AFF4: variants seen among roughly 807,000 people sequenced by gnomAD.
AFF4 encodes the protein ALF transcription elongation factor 4, also known as AF4/FMR2 family member 4.
A neutral mutation model predicts 124.8 loss-of-function variants in AFF4; 13 were observed. That is an observed-to-expected ratio of 0.10 (90% confidence interval 0.07 to 0.17). The LOEUF (loss-of-function observed/expected upper bound fraction) is 0.17, where lower values mean the gene tolerates loss of function less well. AFF4 is among the 10% of genes least tolerant of loss of function. The probability of loss-of-function intolerance (pLI) is 1.00; values close to 1 mark genes in which losing one functional copy is unlikely to be tolerated. For synonymous variants in AFF4, 477 were observed against 496.1 expected (o/e 0.96, Z 0.51); for missense variants, 1,092 against 1,403.8 (o/e 0.78, Z 3.55).
chr5:132,915,338 C>G, intron 5 of AFF4, among the ~76,000 whole-genome samples: 1 of 148,138 alleles, frequency 6.8e-6, no homozygotes, highest in Non-Finnish European at 1.5e-5. Context: ...AAGACTGTCT[C>G]AAAAGAAAAA....
chr5:132,902,526 CTATT>C, intron 6 of AFF4, 39 bp from the exon 7 acceptor site: 2 of 1,400,710 alleles, frequency 1.4e-6, no homozygotes, highest in Non-Finnish European at 2.0e-6. Context: ...TAAAGGATGG[CTATT>C]TAGACTGTAA....
At chr5:132,927,382 T>G (rs368341084) in intron 4 of AFF4, 175 bp from the exon 5 acceptor site, 4 of 513,268 alleles carry the variant, frequency 7.8e-6, no homozygotes, top group Admixed American at 4.2e-5. Flanking sequence ...GTGTAGGTAA[T>G]AAGAAGATTA....
At chr5:132,960,408 C>T (rs1762057110) in intron 1 of AFF4, among the ~76,000 whole-genome samples, 1 of 152,152 alleles carries the variant, frequency 6.6e-6, no homozygotes, top group African/African-American at 2.4e-5. Context: ...CTTAAGAATA[C>T]CTCTTTGATT....
Position 132,896,748 on chromosome 5 carries a change from T to G in AFF4, c.1882A>C (p.Lys628Gln). ...KSSPRPTAEK[K>Q]KYKSTSKSSQ... ...GATTTACTTGTTGACTTATATTTCT[T>G]TTTCTCTGCTGTAGGTCGAGGGGAA... The change falls in exon 11 of 21, where the codon AAG becomes CAG. Residue 628 changes from lysine (K) to glutamine (Q), a missense_variant. By Grantham distance (53) the Lys-to-Gln change is moderately conservative (BLOSUM62 1). Coordinates refer to ENST00000265343, the MANE Select transcript of AFF4 (RefSeq NM_014423.4). The G allele has an allele frequency of 2.5e-6, 4 of 1,614,174 alleles. No homozygotes were observed. The highest frequency in any genetic ancestry group is 2.2e-5 in the East Asian group (1 of 44,892).
In AFF4 at chr5:132,921,117, ACT is replaced by A. The variant is rs1303121020; in HGVS notation, c.1050+6002_1050+6003del. ...ACTCTAGCCTGAGCGACAGAGCGAG[ACT>A]CTGTCACAAAAAAAAAAAAAAAAGA... On this transcript the variant is annotated intron_variant, in intron 5 of 20. Coordinates refer to ENST00000265343, the MANE Select transcript of AFF4 (RefSeq NM_014423.4). 7.0e-5 allele frequency among the ~76,000 whole-genome samples: 10 copies of A among 141,858 alleles called. No homozygotes were observed. The South Asian group carries it at 1.2e-3, about 17-fold the overall frequency. The allele number at this position is 141,858 out of a possible 152,430, so 93.1% of individuals were successfully genotyped here.
chr5:132,897,261 TATGCTTTTTTCGATACTGA>T, intron 10 of AFF4, 21 bp from the exon 11 acceptor site: 1 of 1,600,630 alleles, frequency 6.2e-7, no homozygotes, highest in Non-Finnish European at 8.5e-7. Flanking sequence ...GAGAAATATG[TATGCTTTTTTCGATACTGA>T]ATGCTTTTTT....
At chr5:132,886,480 G>A (rs2150065684) in intron 17 of AFF4, 77 bp from the exon 18 acceptor site, 2 of 1,331,668 alleles carry the variant, frequency 1.5e-6, no homozygotes, top group Non-Finnish European at 1.1e-6. Flanking sequence ...CCTTTGCATT[G>A]TGCAGGAGAC....
In AFF4 at chr5:132,886,408, C is replaced by G; in HGVS notation, c.3006-5G>C. 1 of 1,613,254 alleles carries G rather than the reference C, an allele frequency of 6.2e-7. No individual in the cohort carries two copies. Among genetic ancestry groups the G allele is most frequent in the Non-Finnish European group, 8.5e-7 (1 of 1,179,724 alleles). On this transcript the variant is annotated splice_region_variant and splice_polypyrimidine_tract_variant and intron_variant, in intron 17 of 20. Transcript: ENST00000265343. ...AGCAAAGACTCGCATCGCAGGCTAG[C>G]CAATGGAAAAGGGCGGCTTATTTAC...
Position 132,896,583 on chromosome 5 carries a change from C to T in AFF4, c.2047G>A (p.Glu683Lys), listed in dbSNP as rs1393658275. The T allele has an allele frequency of 1.2e-6, 2 of 1,614,048 alleles. No homozygotes were observed. The highest frequency in any genetic ancestry group is 1.7e-6 in the Non-Finnish European group (2 of 1,180,032). ...CGTTGCCGAAAAAAGCTATCTTCTT[C>T]CTCCACTGAGGAGGGTTTAACAGGA... ...RTPVKPSSVE[E>K]EDSFFRQRMF... The change falls in exon 11 of 21, where the codon GAA becomes AAA. Residue 683 changes from glutamate (E) to lysine (K), a missense_variant. Coordinates refer to ENST00000265343, the MANE Select transcript of AFF4 (RefSeq NM_014423.4).
chr5:132,942,839 C>G (rs989878436), intron 1 of AFF4: 1 of 168,232 alleles, frequency 5.9e-6, no homozygotes, highest in Non-Finnish European at 1.3e-5. Context: ...TGCCTGTAAT[C>G]CCAGCAGTTT....
Position 132,885,143 on chromosome 5 carries a change from T to C in AFF4, c.3100-24A>G, listed in dbSNP as rs771914982. 1.0e-5 allele frequency: 16 copies of C among 1,565,898 alleles called. No homozygotes were observed. In the Admixed American group the frequency reaches 2.9e-4, roughly 28 times the overall value. On this transcript the variant is annotated intron_variant, in intron 18 of 20. Coordinates refer to ENST00000265343, the MANE Select transcript of AFF4 (RefSeq NM_014423.4). ...TTCTGTGGAAAAAGTAAAATGTACT[T>C]AACAACAACAAAAACCACCACTACT...
intron 1 of AFF4, among the ~76,000 whole-genome samples, chr5:132,946,967 G>A (rs1454623871): frequency 6.6e-6 from 1 of 152,154 alleles, no homozygotes; most frequent in African/African-American, 2.4e-5. Flanking sequence ...GGAGGCACGA[G>A]AATCGCTTGA....
In AFF4 at chr5:132,889,167, C is replaced by T; in HGVS notation, c.2644G>A (p.Ala882Thr). 1 of 1,612,444 alleles carries T rather than the reference C, an allele frequency of 6.2e-7. No individual in the cohort carries two copies. The highest frequency in any genetic ancestry group is 8.5e-7 in the Non-Finnish European group (1 of 1,178,802). Residue 882 changes from alanine to threonine, a missense_variant, in exon 14 of 21, where the codon GCT becomes ACT. This residue lies in a region of AFF4 where 293 missense variants were observed against 280.2 expected (regional missense o/e 1.05). Coordinates refer to ENST00000265343, the MANE Select transcript of AFF4 (RefSeq NM_014423.4). ...GGACAGTTAGAGGAGCTACTTGGAG[C>T]CTTTTCCTGACCAAAAAAATATATA... ...SSSSKEVKEK[A>T]PSSSSNCPPS...
intron 4 of AFF4, among the ~76,000 whole-genome samples, chr5:132,930,104 G>A (rs2150095052): frequency 6.6e-6 from 1 of 152,298 alleles, no homozygotes; most frequent in East Asian, 1.9e-4. Flanking sequence ...TATGGCTTTA[G>A]ACATGTTGAG....
In AFF4 at chr5:132,889,147, G is replaced by C. The variant is rs926352807; in HGVS notation, c.2664C>G (p.Asn888Lys). The change falls in exon 14 of 21, where the codon AAC becomes AAG. Residue 888 changes from asparagine to lysine, a missense_variant. Physicochemically the swap from Asn to Lys is moderately conservative, Grantham distance 94. Coordinates refer to ENST00000265343, the MANE Select transcript of AFF4 (RefSeq NM_014423.4). ...VKEKAPSSSSNCPPSAPTLDS... is the reference protein window; with the variant it reads ...VKEKAPSSSSKCPPSAPTLDS... ...CAAGAGTTGGTGCAGATGGAGGACA[G>C]TTAGAGGAGCTACTTGGAGCCTTTT... The C allele has an allele frequency of 6.2e-7, 1 of 1,613,802 alleles. No individual in the cohort carries two copies. Among genetic ancestry groups the C allele is most frequent in the Non-Finnish European group, 8.5e-7 (1 of 1,179,836 alleles).
intron 1 of AFF4, among the ~76,000 whole-genome samples, chr5:132,939,110 G>A (rs1034898698): frequency 3.7e-4 from 55 of 150,408 alleles, no homozygotes; most frequent in Non-Finnish European, 6.2e-4. Flanking sequence ...ATAGCTTCTC[G>A]GGAGGCTCAA....
At chr5:132,901,079 A>G (rs892956728) in intron 7 of AFF4, 6 of 985,480 alleles carry the variant, frequency 6.1e-6, no homozygotes, top group East Asian at 1.1e-4. Context: ...CAGGGAAAAA[A>G]GAGTTTTCTT....
At chr5:132,930,206 G>C (rs1440031078) in intron 4 of AFF4, among the ~76,000 whole-genome samples, 1 of 152,148 alleles carries the variant, frequency 6.6e-6, no homozygotes, top group African/African-American at 2.4e-5. Context: ...GTGTAGGACA[G>C]AAAGACTAAA....
intron 5 of AFF4, among the ~76,000 whole-genome samples, chr5:132,918,370 C>A (rs1053666154): frequency 1.1e-4 from 14 of 132,052 alleles, no homozygotes; most frequent in East Asian, 9.5e-4. Flanking sequence ...CACACACACA[C>A]AAAAAAATCA....
Sources: gnomAD v4.1 joint callset for allele counts (sites outside exome capture counted in the v4.1 genomes callset) on GRCh38, gnomAD v4.1.1 for gene constraint, gnomAD v4.1.1 regional missense constraint, MANE v1.5 for transcripts, NCBI Gene and HGNC (gene_info 2026-07-23, HGNC 2026-07-21) for gene names.